The following LRRC8D variants were observed in gnomAD, a reference collection of about 807,000 sequenced individuals.
The protein encoded by LRRC8D is volume-regulated anion channel subunit LRRC8D.
In LRRC8D, 20 loss-of-function variants were observed where a neutral mutation model predicts 55.8. The ratio of observed to expected loss-of-function variants is 0.36; its 90% CI spans 0.25 to 0.52. The LOEUF is 0.52. LRRC8D is among the 20% of genes least tolerant of loss of function. The probability of loss-of-function intolerance (pLI) is 0.93; values close to 1 mark genes in which losing one functional copy is unlikely to be tolerated. For missense variants in LRRC8D, 651 were observed against 1,030.8 expected (o/e 0.63, Z 5.05); for synonymous variants, 352 against 377.0 (o/e 0.93, Z 0.77).
At chr1:89,907,251 G>A (rs564913653) in intron 2 of LRRC8D, among the ~76,000 whole-genome samples, 6 of 140,168 alleles carry the variant, frequency 4.3e-5, no homozygotes, top group Admixed American at 8.2e-5. Context: ...GAGTGCAGTG[G>A]TGTGATCTTG....
chr1:89,888,821 C>A (rs1662487912), intron 2 of LRRC8D, among the ~76,000 whole-genome samples: 1 of 152,042 alleles, frequency 6.6e-6, no homozygotes, highest in Admixed American at 6.6e-5. Flanking sequence ...ATAATTTGAG[C>A]AACAAAATAA....
rs189841905 is a variant in LRRC8D, at chr1:89,867,914, G to A, written c.-3+24132G>A. On this transcript the variant is annotated intron_variant, in intron 2 of 2. Coordinates refer to ENST00000337338, the MANE Select transcript of LRRC8D (RefSeq NM_001134479.2). ...ATACTAATTGTAACCCAAATTATGA[G>A]GATTGAAAGACAAAGAGTAAATGGC... Among the ~76,000 whole-genome samples the A allele has an allele frequency of 8.7e-4, 132 of 152,282 alleles. 1 individual carries two copies. In the Middle Eastern group the frequency reaches 0.01, roughly 12 times the overall value.
rs1309958050 is a variant in LRRC8D at position 89,934,613 on chromosome 1, C to T, written c.1545C>T (p.Leu515=). The T allele has an allele frequency of 1.2e-6, 2 of 1,614,032 alleles. No homozygotes were observed. The highest frequency in any genetic ancestry group is 1.7e-6 in the Non-Finnish European group (2 of 1,180,040). ...IPAKISQMTN[L]QELHLCHCPA... Reference sequence around the variant, plus strand: ...CTAAGATTTCTCAAATGACTAACCTCCAAGAGCTCCACCTCTGCCACTGCC... The same window carrying T: ...CTAAGATTTCTCAAATGACTAACCTTCAAGAGCTCCACCTCTGCCACTGCC... The change falls in exon 3 of 3, where the codon CTC becomes CTT. Residue 515 remains leucine, a synonymous_variant. Transcript: ENST00000337338. The surrounding 1 kb of genome is among the most constrained non-coding windows in gnomAD (Gnocchi z 5.9).
At chr1:89,899,971 G>A (rs1051497132) in intron 2 of LRRC8D, among the ~76,000 whole-genome samples, 1 of 152,160 alleles carries the variant, frequency 6.6e-6, no homozygotes, top group Non-Finnish European at 1.5e-5. Flanking sequence ...TAGTCCCTGG[G>A]GAAACAAACG....
rs58482330 is a variant in LRRC8D, at chr1:89,922,215, C to T, written c.-2-10852C>T. ...AGTAGCTGGGATTACAGGTGCTCGC[C>T]ACCACACCTGGCTAATTTTTTGTAT... On this transcript the variant is annotated intron_variant, in intron 2 of 2. Coordinates refer to ENST00000337338, the MANE Select transcript of LRRC8D (RefSeq NM_001134479.2). Among the ~76,000 whole-genome samples, 1,092 of 152,060 alleles carry T rather than the reference C, an allele frequency of 7.2e-3. 14 individuals are homozygous for T. The highest frequency in any genetic ancestry group is 0.025 in the African/African-American group (1,025 of 41,466).
chr1:89,876,826 C>G (rs1248502196), intron 2 of LRRC8D, among the ~76,000 whole-genome samples: 2 of 152,118 alleles, frequency 1.3e-5, no homozygotes, highest in African/African-American at 4.8e-5. Flanking sequence ...AGCATTCGGT[C>G]CTTTATAGAC....
intron 2 of LRRC8D, among the ~76,000 whole-genome samples, chr1:89,867,544 A>G (rs1052345809): frequency 3.3e-5 from 5 of 152,192 alleles, no homozygotes; most frequent in African/African-American, 1.2e-4. Context: ...ACATTTGGGC[A>G]GTTGTGTATA....
chr1:89,841,396 A>ACCCCC (rs56089566), intron 1 of LRRC8D, among the ~76,000 whole-genome samples: 5 of 144,384 alleles, frequency 3.5e-5, no homozygotes, highest in African/African-American at 5.2e-5. Flanking sequence ...TGTCAAGACC[A>ACCCCC]CCCCCCCCCT....
intron 2 of LRRC8D, among the ~76,000 whole-genome samples, chr1:89,846,176 C>T (rs1456284008): frequency 6.6e-6 from 1 of 152,118 alleles, no homozygotes; most frequent in Non-Finnish European, 1.5e-5. Flanking sequence ...CTCTAAGATA[C>T]AGTAGAACAG....
chr1:89,858,941 T>G (rs991119255), intron 2 of LRRC8D, among the ~76,000 whole-genome samples: 1 of 152,184 alleles, frequency 6.6e-6, no homozygotes, highest in Non-Finnish European at 1.5e-5. Context: ...TAGAAAACTT[T>G]ACAAAATAAA....
intron 2 of LRRC8D, among the ~76,000 whole-genome samples, chr1:89,866,926 A>G (rs952789309): frequency 6.6e-6 from 1 of 152,156 alleles, no homozygotes; most frequent in Non-Finnish European, 1.5e-5. Context: ...TGTGATGTCG[A>G]CCCCAAAGTC....
intron 2 of LRRC8D, among the ~76,000 whole-genome samples, chr1:89,851,578 C>T (rs181415184): frequency 7.3e-5 from 11 of 151,594 alleles, no homozygotes; most frequent in African/African-American, 1.9e-4. Flanking sequence ...GGCACAATCT[C>T]GGCTCACTGC....
chr1:89,823,900 T>C (rs1337456330), intron 1 of LRRC8D, among the ~76,000 whole-genome samples: 3 of 152,276 alleles, frequency 2.0e-5, no homozygotes, highest in Admixed American at 2.0e-4. Flanking sequence ...TGGTCAGGGA[T>C]GTGGAACAGA....
chr1:89,839,319 A>G (rs571167073), intron 1 of LRRC8D, among the ~76,000 whole-genome samples: 1 of 152,204 alleles, frequency 6.6e-6, no homozygotes, highest in East Asian at 1.9e-4. Context: ...GTGTGTTTGG[A>G]AGCTGAGGAA....
chr1:89,903,460 GC>G (rs1662913641), intron 2 of LRRC8D, among the ~76,000 whole-genome samples: 1 of 152,116 alleles, frequency 6.6e-6, no homozygotes, highest in Non-Finnish European at 1.5e-5. Flanking sequence ...GTCTGCTGTG[GC>G]TGCCTTTTCA....
At chr1:89,846,802 A>G (rs1420878048) in intron 2 of LRRC8D, 1 of 152,060 alleles carries the variant, frequency 6.6e-6, no homozygotes, top group Non-Finnish European at 1.5e-5. Context: ...ATTTACAGAT[A>G]CCTTTTGTCA....
At chr1:89,909,723 A>G (rs996938896) in intron 2 of LRRC8D, among the ~76,000 whole-genome samples, 2 of 151,972 alleles carry the variant, frequency 1.3e-5, no homozygotes, top group African/African-American at 4.8e-5. Flanking sequence ...AAACTTAGCC[A>G]AGCGTGGTGG....
chr1:89,865,305 G>A (rs1338717496), intron 2 of LRRC8D, among the ~76,000 whole-genome samples: 1 of 143,662 alleles, frequency 7.0e-6, no homozygotes, highest in Non-Finnish European at 1.5e-5. Context: ...TTGCTTAATT[G>A]TACTAAATAT....
intron 2 of LRRC8D, among the ~76,000 whole-genome samples, chr1:89,929,465 G>C (rs910240461): frequency 2.0e-5 from 3 of 152,202 alleles, no homozygotes. Context: ...GATTAAAGGA[G>C]GTAAAGACTG....
Sources: allele counts gnomAD v4.1 joint callset (sites outside exome capture counted in the v4.1 genomes callset), GRCh38; gene constraint gnomAD v4.1.1; non-coding constraint Gnocchi (gnomAD v3.1); transcripts MANE v1.5; gene names NCBI Gene and HGNC (gene_info 2026-07-23, HGNC 2026-07-21).